The following SOX6 variants were observed in gnomAD, a reference collection of about 807,000 sequenced individuals.
SOX6 encodes transcription factor SOX-6.
Under a neutral mutation model 97.8 loss-of-function variants are expected in SOX6, and 11 were observed. The ratio of observed to expected loss-of-function variants is 0.11; its 90% confidence interval spans 0.07 to 0.19. The LOEUF (loss-of-function observed/expected upper bound fraction) is 0.19, where lower values mean the gene tolerates loss of function less well. Ranked by LOEUF, SOX6 falls within the 10% of genes least tolerant of loss-of-function variation. The pLI is 1.00. For synonymous variants in SOX6, 360 were observed against 371.4 expected, an observed-to-expected ratio of 0.97 and a Z score of 0.35; for missense variants, 810 against 1,039.5, an observed-to-expected ratio of 0.78 and a Z score of 3.04.
intron 14 of SOX6, among the ~76,000 whole-genome samples, chr11:15,988,151 T>A (rs1251860097): frequency 6.6e-6 from 1 of 152,246 alleles, no homozygotes; most frequent in African/African-American, 2.4e-5. Flanking sequence ...TTTTGTCACA[T>A]CGTGACAGCT....
At chr11:16,314,481 T>C (rs1481418858) in intron 3 of SOX6, 1 of 152,164 alleles carries the variant, frequency 6.6e-6, no homozygotes, top group African/African-American at 2.4e-5. Context: ...GAGTTCATTT[T>C]TATATGCCTT....
intron 6 of SOX6, among the ~76,000 whole-genome samples, chr11:16,181,453 T>C (rs999464971): frequency 6.6e-6 from 1 of 151,558 alleles, no homozygotes; most frequent in Non-Finnish European, 1.5e-5. Flanking sequence ...TCAAGTCTCA[T>C]ATTTTGCTCA....
intron 1 of SOX6, among the ~76,000 whole-genome samples, chr11:16,350,976 T>C (rs1856932109): frequency 1.3e-5 from 2 of 152,252 alleles, no homozygotes; most frequent in East Asian, 3.9e-4. Flanking sequence ...TACCACTCCA[T>C]GTTAATACTG....
intron 3 of SOX6, among the ~76,000 whole-genome samples, chr11:16,281,219 G>A (rs1854550324): frequency 6.6e-6 from 1 of 152,044 alleles, no homozygotes; most frequent in South Asian, 2.1e-4. Context: ...GATGTCAAAT[G>A]TTCAGAAGTC....
intron 1 of SOX6, chr11:16,408,550 T>C (rs1026816325): frequency 6.6e-6 from 1 of 152,164 alleles, no homozygotes; most frequent in African/African-American, 2.4e-5. Flanking sequence ...CAGAAAAAAG[T>C]AAGCATACTC....
chr11:16,543,027 C>A (rs1406864614), intron 4 of SOX6, among the ~76,000 whole-genome samples: 3 of 151,966 alleles, frequency 2.0e-5, no homozygotes, highest in Non-Finnish European at 4.4e-5. Context: ...CACACACACA[C>A]AAACACACAC....
intron 6 of SOX6, among the ~76,000 whole-genome samples, chr11:16,171,612 G>A (rs1385159892): frequency 6.6e-6 from 1 of 151,634 alleles, no homozygotes; most frequent in Non-Finnish European, 1.5e-5. Context: ...GGATGTGGTA[G>A]TACAACAAAA....
intron 4 of SOX6, among the ~76,000 whole-genome samples, chr11:16,208,158 C>T (rs1278121225): frequency 6.6e-6 from 1 of 152,032 alleles, no homozygotes; most frequent in East Asian, 1.9e-4. Context: ...ATTGTGTAGA[C>T]TTTTTAAAAA....
chr11:16,668,730 A>G (rs1847825880), intron 3 of SOX6, among the ~76,000 whole-genome samples: 1 of 152,226 alleles, frequency 6.6e-6, no homozygotes, highest in South Asian at 2.1e-4. Flanking sequence ...CCATGCCAAT[A>G]GAAACTAAAA....
intron 15 of SOX6, among the ~76,000 whole-genome samples, chr11:15,976,574 G>A (rs997139411): frequency 1.3e-5 from 2 of 151,160 alleles, no homozygotes; most frequent in Admixed American, 6.6e-5. Flanking sequence ...TGGACTCTCC[G>A]TGAGTGCCAG....
intron 4 of SOX6, among the ~76,000 whole-genome samples, chr11:16,596,570 C>A (rs1848214975): frequency 6.6e-6 from 1 of 152,206 alleles, no homozygotes; most frequent in Non-Finnish European, 1.5e-5. Context: ...CAAAGGCCAT[C>A]TCCTACTAGA....
chr11:16,107,388 T>C (rs1054461077), intron 7 of SOX6, among the ~76,000 whole-genome samples: 3 of 143,248 alleles, frequency 2.1e-5, no homozygotes, highest in Non-Finnish European at 4.5e-5. Flanking sequence ...TCTGTATACA[T>C]ATATATGTAT....
chr11:16,482,248 A>C (rs1565159167), intron 4 of SOX6, among the ~76,000 whole-genome samples: 1 of 152,234 alleles, frequency 6.6e-6, no homozygotes, highest in East Asian at 1.9e-4. Flanking sequence ...CTAAAAATTG[A>C]ATATCAATAA....
In SOX6 at chr11:15,972,762, AG is replaced by A. The variant is rs759344656; in HGVS notation, c.*46del. The A allele has an allele frequency of 6.3e-6, 10 of 1,597,282 alleles. No homozygotes were observed. In the Admixed American group the frequency reaches 1.2e-4, roughly 19 times the overall value. ...GCTCTTTAATAACTCTTTGTTGGGG[AG>A]GGGGGTGAAATGTCAGAGTACTTTA... On this transcript the variant is annotated 3_prime_UTR_variant, in exon 16 of 16. Coordinates refer to ENST00000683767, the MANE Select transcript of SOX6 (RefSeq NM_001367873.1).
intron 4 of SOX6, among the ~76,000 whole-genome samples, chr11:16,234,004 T>C (rs1317068774): frequency 2.0e-5 from 2 of 101,050 alleles, no homozygotes; most frequent in African/African-American, 4.3e-5. Flanking sequence ...AGACTGCATC[T>C]CAAAAAAAAA....
intron 4 of SOX6, among the ~76,000 whole-genome samples, chr11:16,603,999 C>T (rs1162382805): frequency 6.6e-6 from 1 of 152,192 alleles, no homozygotes; most frequent in African/African-American, 2.4e-5. Context: ...GTGCTGAGTG[C>T]GCAGGCTAAT....
chr11:16,241,652 C>T (rs1478588796), intron 3 of SOX6, among the ~76,000 whole-genome samples: 1 of 151,810 alleles, frequency 6.6e-6, no homozygotes, highest in Admixed American at 6.6e-5. Context: ...TGTTGCTTGC[C>T]TTCTACTGCT....
At chr11:16,625,207 A>G (rs1848606858) in intron 3 of SOX6, among the ~76,000 whole-genome samples, 1 of 152,288 alleles carries the variant, frequency 6.6e-6, no homozygotes, top group African/African-American at 2.4e-5. Context: ...ATTATCTTGT[A>G]TTGATGTTGC....
At chr11:16,064,949 T>C (rs918420441) in intron 9 of SOX6, among the ~76,000 whole-genome samples, 1 of 151,868 alleles carries the variant, frequency 6.6e-6, no homozygotes, top group African/African-American at 2.4e-5. Context: ...TCCTCTAAGA[T>C]CTGGAACATG....
Sources: gnomAD v4.1 joint callset for allele counts (sites outside exome capture counted in the v4.1 genomes callset) on GRCh38, gnomAD v4.1.1 for gene constraint, MANE v1.5 for transcripts, NCBI Gene and HGNC (gene_info 2026-07-23, HGNC 2026-07-21) for gene names.